The following ZKSCAN4 variants were observed in gnomAD, a reference collection of about 807,000 sequenced individuals.
ZKSCAN4 encodes the protein zinc finger protein with KRAB and SCAN domains 4.
In ZKSCAN4, 23 loss-of-function variants were observed where a neutral mutation model predicts 30.8. The observed-to-expected ratio is 0.75, with a 90% confidence interval of 0.54 to 1.06. The LOEUF is 1.06. Among genes scored for constraint, ZKSCAN4 ranks in the 50% least tolerant of loss-of-function variants. The probability of loss-of-function intolerance (pLI) is 0.00; values close to 1 mark genes in which losing one functional copy is unlikely to be tolerated. For synonymous variants in ZKSCAN4, 208 were observed against 252.5 expected, an observed-to-expected ratio of 0.82 and a Z score of 1.67; for missense variants, 556 against 665.4, an observed-to-expected ratio of 0.84 and a Z score of 1.81.
intron 1 of ZKSCAN4, among the ~76,000 whole-genome samples, chr6:28,250,376 G>A (rs2113687293): frequency 6.6e-6 from 1 of 152,228 alleles, no homozygotes; most frequent in East Asian, 1.9e-4. Flanking sequence ...GCCAAGGGTG[G>A]ACAGTGTTTA....
At chr6:28,250,243 A>G (rs1760934486) in intron 1 of ZKSCAN4, among the ~76,000 whole-genome samples, 1 of 151,974 alleles carries the variant, frequency 6.6e-6, no homozygotes, top group Non-Finnish European at 1.5e-5. Flanking sequence ...AATGTTTTGT[A>G]CTTTTAGTAG....
chr6:28,253,855 G>A (rs953221637), upstream of ZKSCAN4, among the ~76,000 whole-genome samples: 4 of 152,086 alleles, frequency 2.6e-5, no homozygotes, highest in Non-Finnish European at 4.4e-5. This position sits in a 1 kb window ranked among gnomAD's most constrained non-coding sequence, Gnocchi z 4.2. Context: ...ACAGACATGC[G>A]TCACCATGCT....
chr6:28,251,714 C>T lies in ZKSCAN4; in HGVS notation c.267G>A (p.Lys89=), dbSNP rs749922532. ...GCACCAGCAGCTCCAGGATCTGCTC[C>T]TTGCTGTGCATCTCAGGCTGCAGCC... The part of the protein sequence containing the change: ...GQWLQPEMHS[K]EQILELLVLE... The change falls in exon 1 of 5, where the codon AAG becomes AAA. Residue 89 remains lysine (K), a synonymous_variant. Transcript: ENST00000377294. This position sits in a 1 kb window ranked among gnomAD's most constrained non-coding sequence, Gnocchi z 4.5. 1.2e-6 allele frequency: 2 copies of T among 1,614,244 alleles called. No individual in the cohort carries two copies. The highest frequency in any genetic ancestry group is 1.7e-6 in the Non-Finnish European group (2 of 1,180,048).
rs992972176 is a variant in ZKSCAN4 at position 28,249,398 on chromosome 6, G to A, written c.571+289C>T. Reference sequence around the variant, plus strand: ...TCTCTCCCCAGTGCCTACAACACTGGCTACCATAGATGAAGGCTCCCTAAA... The same window carrying A: ...TCTCTCCCCAGTGCCTACAACACTGACTACCATAGATGAAGGCTCCCTAAA... On this transcript the variant is annotated intron_variant, in intron 2 of 4. Transcript: ENST00000377294. This position sits in a 1 kb window ranked among gnomAD's most constrained non-coding sequence, Gnocchi z 4.1. Among the ~76,000 whole-genome samples, 1 of 152,120 alleles carries A rather than the reference G, an allele frequency of 6.6e-6. No individual in the cohort carries two copies. Among genetic ancestry groups the A allele is most frequent in the African/African-American group, 2.4e-5 (1 of 41,408 alleles).
the ZKSCAN4 span, among the ~76,000 whole-genome samples, chr6:28,258,557 C>G: frequency 5.7e-4 from 86 of 150,460 alleles, 1 homozygote; most frequent in South Asian, 2.8e-3. Flanking sequence ...GTGGGAGGAT[C>G]GCTTGAACCC....
chr6:28,248,392 A>T (rs1760833738), intron 2 of ZKSCAN4, among the ~76,000 whole-genome samples: 3 of 152,238 alleles, frequency 2.0e-5, no homozygotes. Context: ...AATGAATGCA[A>T]CATAACAAAG....
At position 28,242,020 on chromosome 6, in the gene ZKSCAN4, T is replaced by A. The variant is rs1400959417; in HGVS notation, c.*3096A>T. On this transcript the variant is annotated 3_prime_UTR_variant, in exon 5 of 5. Coordinates refer to ENST00000377294, the MANE Select transcript of ZKSCAN4 (RefSeq NM_019110.5). Reference sequence around the variant, plus strand: ...TTTTTCATTATAACCATTCATTCTATCGAAGTAGAAAAAGTGCTATAACCA... The same window carrying A: ...TTTTTCATTATAACCATTCATTCTAACGAAGTAGAAAAAGTGCTATAACCA... Among the ~76,000 whole-genome samples the A allele has an allele frequency of 6.6e-6, 1 of 152,062 alleles. No homozygotes were observed. The highest frequency in any genetic ancestry group is 1.5e-5 in the Non-Finnish European group (1 of 68,002).
At position 28,252,013 on chromosome 6, in the gene ZKSCAN4, A is replaced by G; in HGVS notation, c.-33T>C. The G allele has an allele frequency of 3.3e-6, 5 of 1,508,402 alleles. No individual in the cohort carries two copies. The highest frequency in any genetic ancestry group is 2.8e-5 in the South Asian group (2 of 72,152). 93.4% of individuals were successfully genotyped at this position (1,508,402 alleles called of 1,614,324 possible). On this transcript the variant is annotated 5_prime_UTR_variant, in exon 1 of 5. Coordinates refer to ENST00000377294, the MANE Select transcript of ZKSCAN4 (RefSeq NM_019110.5). ...CAAGGCAGTACTCGGGTCTCACTCT[A>G]GTTGCGACCTGTATATCTTCAGAGG...
Position 28,245,377 on chromosome 6 carries a change from A to C in ZKSCAN4, c.1377T>G (p.Val459=), listed in dbSNP as rs147428860. The C allele has an allele frequency of 3.8e-5, 61 of 1,614,222 alleles. No homozygotes were observed. In the African/African-American group the frequency reaches 6.0e-4, roughly 16 times the overall value. The change falls in exon 5 of 5, where the codon GTT becomes GTG. Residue 459 remains valine (V), a synonymous_variant. Coordinates refer to ENST00000377294, the MANE Select transcript of ZKSCAN4 (RefSeq NM_019110.5). ...RHQRIHGDKN[V]QNPEHGESWE... ...AGGACTCCCCGTGCTCAGGATTCTG[A>C]ACATTTTTATCACCATGAATCCTCT...
chr6:28,249,957 C>A lies in ZKSCAN4; in HGVS notation c.424-123G>T. 1.8e-6 allele frequency: 2 copies of A among 1,103,862 alleles called. No homozygotes were observed. The highest frequency in any genetic ancestry group is 1.3e-6 in the Non-Finnish European group (1 of 774,692). 68.4% of individuals were successfully genotyped at this position (1,103,862 alleles called of 1,614,324 possible). On this transcript the variant is annotated intron_variant, in intron 1 of 4. Coordinates refer to ENST00000377294, the MANE Select transcript of ZKSCAN4 (RefSeq NM_019110.5). The surrounding 1 kb of genome is among the most constrained non-coding windows in gnomAD (Gnocchi z 4.1). ...ATATTAACACAATTAATATAGATAA[C>A]AACCCTGTGAGCTATTATTTTGGAT...
chr6:28,244,921 T>C lies in ZKSCAN4; in HGVS notation c.*195A>G. The C allele has an allele frequency of 1.3e-6, 1 of 754,030 alleles. No homozygotes were observed. The highest frequency in any genetic ancestry group is 2.8e-5 in the East Asian group (1 of 36,278). 46.7% of individuals were successfully genotyped at this position (754,030 alleles called of 1,614,324 possible). A position where few individuals can be genotyped will look rare whatever the true frequency, so the allele number is the denominator to read the frequency against. ...CAGACCACTCTCCCATGGCCTCTTA[T>C]CAAATGACTTCTTCCAATCACTTTC... On this transcript the variant is annotated 3_prime_UTR_variant, in exon 5 of 5. Coordinates refer to ENST00000377294, the MANE Select transcript of ZKSCAN4 (RefSeq NM_019110.5).
upstream of ZKSCAN4, among the ~76,000 whole-genome samples, chr6:28,256,038 T>G (rs762257033): frequency 1.3e-5 from 2 of 152,208 alleles, no homozygotes; most frequent in Admixed American, 6.5e-5. Flanking sequence ...TTCTTTCAAT[T>G]GAGTAAGAAA....
upstream of ZKSCAN4, among the ~76,000 whole-genome samples, chr6:28,254,935 G>A (rs997223041): frequency 6.6e-6 from 1 of 152,174 alleles, no homozygotes; most frequent in Non-Finnish European, 1.5e-5. Context: ...GATATAGTTG[G>A]GTTCAGTGCC....
At chr6:28,252,593 G>A (rs1239033046), upstream of ZKSCAN4, among the ~76,000 whole-genome samples, 1 of 152,132 alleles carries the variant, frequency 6.6e-6, no homozygotes, top group Non-Finnish European at 1.5e-5. Context: ...CTGGCAGGGG[G>A]ACCTTTAGTC....
chr6:28,251,457 A>G lies in ZKSCAN4; in HGVS notation c.423+101T>C, dbSNP rs751095516. The G allele has an allele frequency of 3.8e-5, 60 of 1,590,640 alleles. No homozygotes were observed. Among genetic ancestry groups the G allele is most frequent in the Non-Finnish European group, 5.1e-5 (59 of 1,166,734 alleles). On this transcript the variant is annotated intron_variant, in intron 1 of 4. Coordinates refer to ENST00000377294, the MANE Select transcript of ZKSCAN4 (RefSeq NM_019110.5). This position sits in a 1 kb window ranked among gnomAD's most constrained non-coding sequence, Gnocchi z 4.5. ...AAGGAGGTTCACAGTACAAAAAGAGATGAAGAACTCCTGGACCTTAAAGGA... is the reference window on the plus strand; with the variant it reads ...AAGGAGGTTCACAGTACAAAAAGAGGTGAAGAACTCCTGGACCTTAAAGGA...
At chr6:28,256,169 G>A (rs1308872128), upstream of ZKSCAN4, among the ~76,000 whole-genome samples, 1 of 152,102 alleles carries the variant, frequency 6.6e-6, no homozygotes, top group Non-Finnish European at 1.5e-5. Flanking sequence ...TGCCTGTAAT[G>A]CTAGCACTTT....
chr6:28,251,917 G>T lies in ZKSCAN4; in HGVS notation c.64C>A (p.Leu22Ile). 6.5e-7 allele frequency: 1 copy of T among 1,529,992 alleles called. No homozygotes were observed. The highest frequency in any genetic ancestry group is 8.7e-7 in the Non-Finnish European group (1 of 1,144,452). The allele number at this position is 1,529,992 out of a possible 1,614,324, so 94.8% of individuals were successfully genotyped here. A position where few individuals can be genotyped will look rare whatever the true frequency, so the allele number is the denominator to read the frequency against. Residue 22 changes from leucine to isoleucine, a missense_variant, in exon 1 of 5, where the codon CTC becomes ATC. Transcript: ENST00000377294. This position sits in a 1 kb window ranked among gnomAD's most constrained non-coding sequence, Gnocchi z 4.5. Reference sequence around the variant, plus strand: ...TCCTTCTCCACCTTCACGGTCAGGAGCCCCGTCTGGTCTTCTGCAGACTGG... The same window carrying T: ...TCCTTCTCCACCTTCACGGTCAGGATCCCCGTCTGGTCTTCTGCAGACTGG... ...DAQSAEDQTGLLTVKVEKEEA... is the reference protein window; with the variant it reads ...DAQSAEDQTGILTVKVEKEEA...
chr6:28,258,875 G>T, the ZKSCAN4 span, among the ~76,000 whole-genome samples: 2 of 150,058 alleles, frequency 1.3e-5, no homozygotes, highest in Non-Finnish European at 3.0e-5. Context: ...GTAACAAGGG[G>T]GGTTGGGAAG....
At chr6:28,250,965 T>C (rs920515420) in intron 1 of ZKSCAN4, among the ~76,000 whole-genome samples, 3 of 152,142 alleles carry the variant, frequency 2.0e-5, no homozygotes, top group Non-Finnish European at 4.4e-5. Flanking sequence ...GGGAAGAACA[T>C]GGAGGTAAAA....
Sources: gnomAD v4.1 joint callset for allele counts (sites outside exome capture counted in the v4.1 genomes callset) on GRCh38, gnomAD v4.1.1 for gene constraint, Gnocchi (gnomAD v3.1) non-coding constraint, MANE v1.5 for transcripts, NCBI Gene and HGNC (gene_info 2026-07-23, HGNC 2026-07-21) for gene names.